The following CCDC3 variants were observed in gnomAD, a reference collection of about 807,000 sequenced individuals.
CCDC3 encodes coiled-coil domain containing 3, also known as coiled-coil domain-containing protein 3.
Under a neutral mutation model 21.4 loss-of-function variants are expected in CCDC3, and 24 were observed. The ratio of observed to expected loss-of-function variants is 1.12; its 90% CI spans 0.81 to 1.58. CCDC3 has a LOEUF of 1.58. Among genes scored for constraint, CCDC3 ranks in the 40% most tolerant of loss-of-function variants. The pLI, the probability that CCDC3 is intolerant of heterozygous loss-of-function variation, is 0.00. For synonymous variants in CCDC3, 186 were observed against 166.0 expected, an observed-to-expected ratio of 1.12 and a Z score of -0.93; for missense variants, 425 against 360.9, an observed-to-expected ratio of 1.18 and a Z score of -1.44.
intron 5 of CCDC3, among the ~76,000 whole-genome samples, chr10:13,046,601 G>A (rs564509506): frequency 2.5e-3 from 375 of 151,942 alleles, no homozygotes; most frequent in Middle Eastern, 6.8e-3. Context: ...CAGCTACTCA[G>A]GAGGCTGAGG....
intron 2 of CCDC3, among the ~76,000 whole-genome samples, chr10:12,993,517 G>GTCT (rs1835709119): frequency 6.6e-6 from 1 of 152,174 alleles, no homozygotes; most frequent in East Asian, 1.9e-4. Context: ...ACATAAGTAT[G>GTCT]GGTCAGTCTG....
chr10:13,031,617 G>C (rs931937078), intron 5 of CCDC3, among the ~76,000 whole-genome samples: 3 of 151,474 alleles, frequency 2.0e-5, no homozygotes, highest in African/African-American at 7.3e-5. Flanking sequence ...ATAAAGAAGA[G>C]AGAAGAATCA....
chr10:13,054,833 A>C (rs1364539330), intron 4 of CCDC3, among the ~76,000 whole-genome samples: 1 of 151,998 alleles, frequency 6.6e-6, no homozygotes, highest in African/African-American at 2.4e-5. Context: ...CGCGTGGCTA[A>C]TTTTTGTATT....
At chr10:13,028,202 G>A (rs1353657721) in intron 5 of CCDC3, among the ~76,000 whole-genome samples, 3 of 152,178 alleles carry the variant, frequency 2.0e-5, no homozygotes, top group African/African-American at 4.8e-5. Flanking sequence ...TTCCCATACC[G>A]TTCTCATGAT....
intron 2 of CCDC3, among the ~76,000 whole-genome samples, chr10:12,921,037 A>G (rs1423934780): frequency 2.0e-5 from 3 of 152,200 alleles, no homozygotes; most frequent in Non-Finnish European, 2.9e-5. Context: ...CTGCCTTCCA[A>G]CTACTCTCAA....
chr10:13,037,474 AG>A (rs2131415706), intron 5 of CCDC3, among the ~76,000 whole-genome samples: 1 of 152,328 alleles, frequency 6.6e-6, no homozygotes, highest in South Asian at 2.1e-4. Context: ...ACATTGTAGA[AG>A]GTGATCATGT....
chr10:12,945,861 A>AT (rs1343946272), intron 2 of CCDC3, among the ~76,000 whole-genome samples: 2 of 152,202 alleles, frequency 1.3e-5, no homozygotes, highest in African/African-American at 4.8e-5. Context: ...TGTTGGCTGA[A>AT]TGGGGTGCAG....
intron 2 of CCDC3, among the ~76,000 whole-genome samples, chr10:12,993,518 G>T (rs1377818170): frequency 6.6e-6 from 1 of 152,158 alleles, no homozygotes; most frequent in Non-Finnish European, 1.5e-5. Flanking sequence ...CATAAGTATG[G>T]GTCAGTCTGG....
intron 5 of CCDC3, among the ~76,000 whole-genome samples, chr10:13,037,393 T>C (rs1278902510): frequency 1.3e-5 from 2 of 152,198 alleles, no homozygotes; most frequent in Admixed American, 6.5e-5. Context: ...AAATTAATCA[T>C]CTGACACTTG....
At chr10:13,070,837 A>C (rs1186378576) in intron 4 of CCDC3, among the ~76,000 whole-genome samples, 3 of 152,242 alleles carry the variant, frequency 2.0e-5, no homozygotes, top group African/African-American at 7.2e-5. Context: ...TTTGTTTTTA[A>C]CAAAAATGAA....
chr10:13,050,649 C>T (rs919377604), intron 4 of CCDC3, among the ~76,000 whole-genome samples: 1 of 151,682 alleles, frequency 6.6e-6, no homozygotes, highest in East Asian at 1.9e-4. Context: ...TTAGTAGAGA[C>T]GGGGTTTCAC....
intron 2 of CCDC3, among the ~76,000 whole-genome samples, chr10:12,912,917 T>C (rs1191681167): frequency 2.0e-5 from 3 of 152,234 alleles, no homozygotes; most frequent in African/African-American, 4.8e-5. Flanking sequence ...CCATTGACCA[T>C]ACACATGGAT....
At chr10:12,932,228 TAAG>T (rs1193827642) in intron 2 of CCDC3, among the ~76,000 whole-genome samples, 1 of 152,222 alleles carries the variant, frequency 6.6e-6, no homozygotes, top group African/African-American at 2.4e-5. Flanking sequence ...TTGTTCCTTG[TAAG>T]TAATGTTTCT....
At chr10:12,953,237 C>G (rs1835035995) in intron 2 of CCDC3, among the ~76,000 whole-genome samples, 1 of 152,182 alleles carries the variant, frequency 6.6e-6, no homozygotes, top group African/African-American at 2.4e-5. Context: ...TTAAAACTAT[C>G]AGATCTCATG....
chr10:13,088,317 TAGAA>T lies in CCDC3; in HGVS notation c.-503+10204_-503+10207del, dbSNP rs1361377038. ...AAAAATTAACATGCTGCTCTAAAGA[TAGAA>T]AGAATCTAATTCTATTGGAGAGCTG... On this transcript the variant is annotated intron_variant, in intron 3 of 6. Transcript: ENST00000378839. Among the ~76,000 whole-genome samples, 5 of 152,306 alleles carry T rather than the reference TAGAA, an allele frequency of 3.3e-5. No homozygotes were observed. In the Middle Eastern group the frequency reaches 0.01, roughly 311 times the overall value.
chr10:13,042,814 C>T (rs942864378), intron 5 of CCDC3, among the ~76,000 whole-genome samples: 5 of 148,122 alleles, frequency 3.4e-5, no homozygotes, highest in Non-Finnish European at 7.4e-5. Flanking sequence ...GAGGCTGAGG[C>T]AGGAGAATGG....
Position 12,898,432 on chromosome 10 carries a change from G to T in CCDC3, c.797C>A (p.Pro266His), listed in dbSNP as rs116856516. The T allele has an allele frequency of 0.046, 73,772 of 1,603,364 alleles. 2,123 individuals carry two copies. Among genetic ancestry groups the T allele is most frequent in the Non-Finnish European group, 0.054 (63,529 of 1,173,466 alleles). The change falls in exon 3 of 3, where the codon CCC (proline) becomes CAC (histidine). Residue 266 changes from proline to histidine, a missense_variant. Physicochemically the swap from Pro to His is moderately conservative, Grantham distance 77. Transcript: ENST00000378825. ...CCAGGCCCGTTACCCCCGCAGGTAGGGGGGGCGCACGGGCCCCCGGGCATT... is the reference window on the plus strand; with the variant it reads ...CCAGGCCCGTTACCCCCGCAGGTAGTGGGGGCGCACGGGCCCCCGGGCATT... Reference protein sequence around the residue: ...HINARGPVRPPYLRG With the variant: ...HINARGPVRPHYLRG
intron 4 of CCDC3, among the ~76,000 whole-genome samples, chr10:13,061,112 C>T (rs1659837): frequency 0.58 from 88,311 of 152,080 alleles, 26,458 homozygotes; most frequent in African/African-American, 0.73. Context: ...AGAGAGGTTT[C>T]TGAGGATGAA....
Position 12,998,371 on chromosome 10 carries a change from G to C in CCDC3, c.516C>G (p.Phe172Leu), listed in dbSNP as rs754383912. ...NCSQGQQLAT[F>L]SSDWEIQEDS... ...CTTCCTGGATTTCCCAGTCACTGGAGAAAGTCGCCAGCTGCTGCCCTTGCG... is the reference window on the plus strand; with the variant it reads ...CTTCCTGGATTTCCCAGTCACTGGACAAAGTCGCCAGCTGCTGCCCTTGCG... Residue 172 changes from phenylalanine (F) to leucine (L), a missense_variant, in exon 2 of 3, where the codon TTC (phenylalanine) becomes TTG (leucine). Transcript: ENST00000378825. 1 of 1,614,040 alleles carries C rather than the reference G, an allele frequency of 6.2e-7. No homozygotes were observed. Among genetic ancestry groups the C allele is most frequent in the Non-Finnish European group, 8.5e-7 (1 of 1,180,032 alleles).
Sources: allele counts gnomAD v4.1 joint callset (sites outside exome capture counted in the v4.1 genomes callset), GRCh38; gene constraint gnomAD v4.1.1; transcripts MANE v1.5; gene names NCBI Gene and HGNC (gene_info 2026-07-23, HGNC 2026-07-21).